ADAMTSL1: variants seen among roughly 807,000 people sequenced by gnomAD.
The protein encoded by ADAMTSL1 is ADAMTS-like protein 1.
ADAMTSL1 carries 126 observed loss-of-function variants against 201.8 expected under a neutral mutation model. That is an observed-to-expected ratio of 0.62 (90% CI 0.54 to 0.72). ADAMTSL1 has a LOEUF of 0.72. Among genes scored for constraint, ADAMTSL1 ranks in the 30% least tolerant of loss-of-function variants. ADAMTSL1 has a pLI of 0.00. For missense variants in ADAMTSL1, 2,679 were observed against 2,277.8 expected (o/e 1.18, Z -3.59); for synonymous variants, 1,121 against 903.4 (o/e 1.24, Z -4.32).
intron 3 of ADAMTSL1, among the ~76,000 whole-genome samples, chr9:18,571,250 A>G (rs943293948): frequency 2.0e-5 from 3 of 152,204 alleles, no homozygotes; most frequent in Non-Finnish European, 4.4e-5. Flanking sequence ...TCCCTGGTTC[A>G]TATTAAGAGG....
At chr9:18,315,043 G>A (rs371792700) in intron 2 of ADAMTSL1, among the ~76,000 whole-genome samples, 37 of 151,804 alleles carry the variant, frequency 2.4e-4, no homozygotes, top group Admixed American at 8.5e-4. Flanking sequence ...TGATCCGCCC[G>A]CCTCGGCCTC....
At chr9:17,956,710 G>A (rs1413458986) in intron 1 of ADAMTSL1, among the ~76,000 whole-genome samples, 2 of 152,138 alleles carry the variant, frequency 1.3e-5, no homozygotes, top group African/African-American at 2.4e-5. Context: ...GCCAGCTTAG[G>A]TTCAAGCAAT....
chr9:18,465,608 G>A (rs960747611), intron 2 of ADAMTSL1, among the ~76,000 whole-genome samples: 3 of 152,200 alleles, frequency 2.0e-5, no homozygotes, highest in Non-Finnish European at 4.4e-5. Flanking sequence ...AGTGAGAACT[G>A]TGTCACATGG....
At chr9:18,324,487 A>T (rs1431951665) in intron 2 of ADAMTSL1, among the ~76,000 whole-genome samples, 1 of 151,556 alleles carries the variant, frequency 6.6e-6, no homozygotes, top group East Asian at 1.9e-4. Context: ...ACATCAGGCT[A>T]GGTGCAGTGG....
At chr9:18,189,639 A>G (rs755501797) in intron 2 of ADAMTSL1, among the ~76,000 whole-genome samples, 52 of 152,154 alleles carry the variant, frequency 3.4e-4, no homozygotes, top group Non-Finnish European at 6.8e-4. Context: ...TTCCTCATCC[A>G]TGGAGCTCCC....
At chr9:18,363,349 C>T (rs1162630950) in intron 2 of ADAMTSL1, among the ~76,000 whole-genome samples, 3 of 152,168 alleles carry the variant, frequency 2.0e-5, no homozygotes, top group Non-Finnish European at 4.4e-5. Context: ...GTAGGCAATC[C>T]AATTTCTCAT....
intron 23 of ADAMTSL1, among the ~76,000 whole-genome samples, chr9:18,836,013 T>A (rs1362497903): frequency 1.3e-5 from 2 of 152,218 alleles, no homozygotes; most frequent in Admixed American, 6.5e-5. Flanking sequence ...TTCTTTTGAA[T>A]ACATATCCAG....
intron 1 of ADAMTSL1, among the ~76,000 whole-genome samples, chr9:18,047,414 C>T (rs1273665190): frequency 1.3e-5 from 2 of 152,112 alleles, no homozygotes; most frequent in Non-Finnish European, 2.9e-5. Context: ...CATCTTTACA[C>T]AGGACAAGCC....
intron 2 of ADAMTSL1, among the ~76,000 whole-genome samples, chr9:18,176,636 A>G (rs189421627): frequency 1.3e-5 from 2 of 152,322 alleles, no homozygotes; most frequent in African/African-American, 4.8e-5. Flanking sequence ...GATGCAATTT[A>G]AAGAATACAG....
At chr9:17,912,845 C>A (rs1200967977) in intron 1 of ADAMTSL1, among the ~76,000 whole-genome samples, 1 of 149,824 alleles carries the variant, frequency 6.7e-6, no homozygotes, top group South Asian at 2.2e-4. Flanking sequence ...CTTTAATCAT[C>A]TTGAATTGAT....
chr9:17,947,312 TACACACAC>T (rs34840423), intron 1 of ADAMTSL1, among the ~76,000 whole-genome samples: 5 of 143,382 alleles, frequency 3.5e-5, no homozygotes, highest in African/African-American at 1.0e-4. Flanking sequence ...TATACACACA[TACACACAC>T]ACACACACAC....
At chr9:18,559,710 A>G (rs148476722) in intron 3 of ADAMTSL1, among the ~76,000 whole-genome samples, 2,894 of 152,176 alleles carry the variant, frequency 0.019, 98 homozygotes, top group African/African-American at 0.066. Context: ...GTTCTCTTTG[A>G]AGAGGTTCTT....
chr9:18,199,170 T>C (rs967787452), intron 2 of ADAMTSL1, among the ~76,000 whole-genome samples: 10 of 151,480 alleles, frequency 6.6e-5, no homozygotes, highest in African/African-American at 2.4e-4. Flanking sequence ...GATGACGAGT[T>C]AGTGGGTGCA....
At chr9:18,179,829 A>C (rs924686143) in intron 2 of ADAMTSL1, among the ~76,000 whole-genome samples, 2 of 152,090 alleles carry the variant, frequency 1.3e-5, no homozygotes, top group Non-Finnish European at 2.9e-5. Flanking sequence ...AAATGCTGAG[A>C]GATTTTGTCA....
intron 1 of ADAMTSL1, among the ~76,000 whole-genome samples, chr9:17,946,264 A>G (rs1827470559): frequency 6.6e-6 from 1 of 151,866 alleles, no homozygotes; most frequent in African/African-American, 2.4e-5. Flanking sequence ...CTCCCAAAGT[A>G]TTTGGATTAC....
intron 16 of ADAMTSL1, among the ~76,000 whole-genome samples, chr9:18,757,408 A>T (rs1819835536): frequency 6.6e-6 from 1 of 152,154 alleles, no homozygotes; most frequent in African/African-American, 2.4e-5. Flanking sequence ...GTGATTGAGA[A>T]TCACTGTTAC....
At chr9:18,901,159 A>G (rs987380649) in intron 26 of ADAMTSL1, among the ~76,000 whole-genome samples, 1 of 151,990 alleles carries the variant, frequency 6.6e-6, no homozygotes, top group Non-Finnish European at 1.5e-5. Context: ...AAAAAAAAAA[A>G]AGAAAAATTA....
chr9:18,734,972 C>G (rs777449488), intron 15 of ADAMTSL1, among the ~76,000 whole-genome samples: 1 of 152,132 alleles, frequency 6.6e-6, no homozygotes, highest in East Asian at 1.9e-4. Context: ...TGTCCTGTAA[C>G]CACATAATGC....
intron 1 of ADAMTSL1, among the ~76,000 whole-genome samples, chr9:18,500,949 C>T (rs368121975): frequency 6.6e-6 from 1 of 152,146 alleles, no homozygotes; most frequent in South Asian, 2.1e-4. Context: ...CTTTTGATCA[C>T]TATGTTCAAT....
Sources: allele counts gnomAD v4.1 joint callset (sites outside exome capture counted in the v4.1 genomes callset), GRCh38; gene constraint gnomAD v4.1.1; transcripts MANE v1.5; gene names NCBI Gene and HGNC (gene_info 2026-07-23, HGNC 2026-07-21).